INSYN2B: variants seen among roughly 807,000 people sequenced by gnomAD.
The protein encoded by INSYN2B is inhibitory synaptic factor family member 2B.
A neutral mutation model predicts 41.2 loss-of-function variants in INSYN2B; 16 were observed. That is an observed-to-expected ratio of 0.39 (90% CI 0.26 to 0.59). INSYN2B has a LOEUF of 0.59. Ranked by LOEUF, INSYN2B falls within the 20% of genes least tolerant of loss-of-function variation. The pLI, the probability that INSYN2B is intolerant of heterozygous loss-of-function variation, is 0.57. For missense variants in INSYN2B, 608 were observed against 646.4 expected (o/e 0.94, Z 0.64); for synonymous variants, 245 against 244.4 (o/e 1.00, Z -0.02).
At chr5:169,881,318 A>G in intron 3 of INSYN2B, 50 bp downstream of exon 3, 1 of 1,447,712 alleles carries the variant, frequency 6.9e-7, no homozygotes, top group Non-Finnish European at 9.5e-7. Flanking sequence ...TGTTCAGCGG[A>G]CCCTATGGCT....
chr5:169,871,260 A>G (rs540778716), intron 3 of INSYN2B, among the ~76,000 whole-genome samples: 21 of 152,358 alleles, frequency 1.4e-4, no homozygotes, highest in Middle Eastern at 3.4e-3. Flanking sequence ...CTGCTTAAAG[A>G]AGGACCAAAT....
At chr5:169,903,446 G>A (rs1774069714) in intron 1 of INSYN2B, among the ~76,000 whole-genome samples, 1 of 151,626 alleles carries the variant, frequency 6.6e-6, no homozygotes, top group Non-Finnish European at 1.5e-5. Context: ...TGGTGTGAGT[G>A]TGAAGGCTGG....
chr5:169,977,790 A>G (rs1777768714), intron 1 of INSYN2B, among the ~76,000 whole-genome samples: 1 of 152,184 alleles, frequency 6.6e-6, no homozygotes, highest in Non-Finnish European at 1.5e-5. Context: ...CCCAATTACA[A>G]TTCTGAACTG....
In INSYN2B at chr5:169,863,777, T is replaced by C. The variant is rs1237333653; in HGVS notation, c.*496A>G. Among the ~76,000 whole-genome samples the C allele has an allele frequency of 6.6e-6, 1 of 152,240 alleles. No individual in the cohort carries two copies. The highest frequency in any genetic ancestry group is 6.5e-5 in the Admixed American group (1 of 15,288). On this transcript the variant is annotated 3_prime_UTR_variant, in exon 4 of 4. Coordinates refer to ENST00000377365, the MANE Select transcript of INSYN2B (RefSeq NM_001129891.3). The stretch of plus-strand genomic sequence containing the variant: ...GCCCTGCCCACTTCTCTTGTGCTTA[T>C]TATGTATGCTGATATCTTAGAAAAC...
chr5:169,868,572 A>G (rs895410559), intron 3 of INSYN2B, among the ~76,000 whole-genome samples: 1 of 152,164 alleles, frequency 6.6e-6, no homozygotes, highest in African/African-American at 2.4e-5. Context: ...CAGCCTGGGC[A>G]ACATAGCGAG....
At chr5:169,896,288 C>T (rs777402553) in intron 1 of INSYN2B, among the ~76,000 whole-genome samples, 2 of 152,086 alleles carry the variant, frequency 1.3e-5, no homozygotes, top group Non-Finnish European at 2.9e-5. Flanking sequence ...TCTGAAGTAC[C>T]GGGACCCCTT....
At position 169,883,202 on chromosome 5, in the gene INSYN2B, T is replaced by C; in HGVS notation, c.697A>G (p.Ile233Val). The change falls in exon 2 of 4, where the codon ATA (isoleucine) becomes GTA (valine). Residue 233 changes from isoleucine (I) to valine (V), a missense_variant. Ile to Val is a conservative substitution (Grantham distance 29, BLOSUM62 3). Transcript: ENST00000377365. Reference sequence around the variant, plus strand: ...GGACGTGTGTCATCCAAAGGGTGTATGGAGTTACTTACTTCAGCTGACCTG... The same window carrying C: ...GGACGTGTGTCATCCAAAGGGTGTACGGAGTTACTTACTTCAGCTGACCTG... ...PDRSAEVSNS[I>V]HPLDDTRPGD... The C allele has an allele frequency of 1.9e-6, 3 of 1,551,646 alleles. No individual in the cohort carries two copies. Among genetic ancestry groups the C allele is most frequent in the Non-Finnish European group, 2.6e-6 (3 of 1,146,946 alleles).
intron 1 of INSYN2B, among the ~76,000 whole-genome samples, chr5:169,886,595 A>T (rs563908291): frequency 6.6e-6 from 1 of 152,330 alleles, no homozygotes; most frequent in African/African-American, 2.4e-5. Context: ...CTCACTGTTA[A>T]ATGCTATGTT....
At position 169,884,983 on chromosome 5, in the gene INSYN2B, G is replaced by A. The variant is rs186124287; in HGVS notation, c.-918-167C>T. On this transcript the variant is annotated intron_variant, in intron 1 of 3. Transcript: ENST00000377365. ...TCTTTGTGAACCAGGTGCTTTGTGG[G>A]TGCAAGGCCTTGGAACAAAATGCCT... Among the ~76,000 whole-genome samples, 10 of 152,196 alleles carry A rather than the reference G, an allele frequency of 6.6e-5. No individual in the cohort carries two copies. In the East Asian group the frequency reaches 1.5e-3, roughly 24 times the overall value.
At chr5:169,950,518 C>G (rs1776617538) in intron 1 of INSYN2B, among the ~76,000 whole-genome samples, 1 of 152,190 alleles carries the variant, frequency 6.6e-6, no homozygotes, top group East Asian at 1.9e-4. Flanking sequence ...GGCCACACAA[C>G]ATGGCCCCTC....
chr5:169,898,728 C>T (rs1773756217), intron 1 of INSYN2B, among the ~76,000 whole-genome samples: 1 of 152,144 alleles, frequency 6.6e-6, no homozygotes, highest in South Asian at 2.1e-4. Flanking sequence ...AAGTACTCAA[C>T]TCTACCGTTG....
At chr5:169,947,458 T>C (rs1776493371) in intron 1 of INSYN2B, among the ~76,000 whole-genome samples, 1 of 152,188 alleles carries the variant, frequency 6.6e-6, no homozygotes, top group Non-Finnish European at 1.5e-5. Context: ...AGCCCTGTTT[T>C]ACAGATGGTG....
intron 1 of INSYN2B, among the ~76,000 whole-genome samples, chr5:169,946,169 G>A (rs1304749733): frequency 1.3e-5 from 2 of 152,200 alleles, no homozygotes; most frequent in Non-Finnish European, 2.9e-5. Flanking sequence ...CTTGACAGAG[G>A]AGGGGCCTCA....
chr5:169,932,465 G>A (rs1039373943), intron 1 of INSYN2B, among the ~76,000 whole-genome samples: 1 of 152,180 alleles, frequency 6.6e-6, no homozygotes, highest in African/African-American at 2.4e-5. Flanking sequence ...GGGAGGCTTT[G>A]GAGATCTCTC....
chr5:169,963,981 G>C (rs1777195995), intron 1 of INSYN2B, among the ~76,000 whole-genome samples: 1 of 152,164 alleles, frequency 6.6e-6, no homozygotes, highest in South Asian at 2.1e-4. Flanking sequence ...ACTGCTTCAA[G>C]GGGAGGGAGC....
rs75871632 is a variant in INSYN2B at position 169,908,975 on chromosome 5, G to A, written c.-918-24159C>T. Among the ~76,000 whole-genome samples the A allele has an allele frequency of 1.8e-3, 281 of 152,302 alleles. 1 individual carries two copies. Among genetic ancestry groups the A allele is most frequent in the Non-Finnish European group, 2.7e-3 (184 of 68,028 alleles). ...AATTATGTCCAAGGTCACAGAACTTGCCTCTGGCAGAGAGAGCCACTGTCT... is the reference window on the plus strand; with the variant it reads ...AATTATGTCCAAGGTCACAGAACTTACCTCTGGCAGAGAGAGCCACTGTCT... On this transcript the variant is annotated intron_variant, in intron 1 of 3. Transcript: ENST00000377365.
At chr5:169,896,650 A>G (rs7379828) in intron 1 of INSYN2B, among the ~76,000 whole-genome samples, 55,003 of 152,040 alleles carry the variant, frequency 0.36, 11,105 homozygotes, top group Admixed American at 0.49. Flanking sequence ...TTATTACTAT[A>G]GGCAGTATCA....
intron 1 of INSYN2B, among the ~76,000 whole-genome samples, chr5:169,919,919 C>G (rs1005481120): frequency 5.9e-5 from 9 of 152,132 alleles, no homozygotes; most frequent in Non-Finnish European, 1.2e-4. Flanking sequence ...TTATTTTTGC[C>G]TTTCTTATTT....
chr5:169,891,177 A>C lies in INSYN2B; in HGVS notation c.-918-6361T>G, dbSNP rs183622222. Among the ~76,000 whole-genome samples, 312 of 152,068 alleles carry C rather than the reference A, an allele frequency of 2.1e-3. 1 individual carries two copies. The highest frequency in any genetic ancestry group is 7.2e-3 in the African/African-American group (299 of 41,426). On this transcript the variant is annotated intron_variant, in intron 1 of 3. Transcript: ENST00000377365. Reference sequence around the variant, plus strand: ...TCATCATCTGGCTTTCAAATCTGCTATTCCTTTTGTTAGGACTCCTCTTTC... The same window carrying C: ...TCATCATCTGGCTTTCAAATCTGCTCTTCCTTTTGTTAGGACTCCTCTTTC...
Sources: allele counts gnomAD v4.1 joint callset (sites outside exome capture counted in the v4.1 genomes callset), GRCh38; gene constraint gnomAD v4.1.1; transcripts MANE v1.5; gene names NCBI Gene and HGNC (gene_info 2026-07-23, HGNC 2026-07-21).